SLC24A4: variants seen among roughly 807,000 people sequenced by gnomAD.
SLC24A4 encodes sodium/potassium/calcium exchanger 4.
A neutral mutation model predicts 79.0 loss-of-function variants in SLC24A4; 53 were observed. The observed-to-expected ratio is 0.67, with a 90% CI of 0.54 to 0.84. The LOEUF (loss-of-function observed/expected upper bound fraction) is 0.84. SLC24A4 is among the 40% of genes least tolerant of loss of function. The pLI, the probability that SLC24A4 is intolerant of heterozygous loss-of-function variation, is 0.00. For synonymous variants in SLC24A4, 323 were observed against 323.8 expected (o/e 1.00, Z 0.03); for missense variants, 731 against 822.0 (o/e 0.89, Z 1.35).
intron 2 of SLC24A4, among the ~76,000 whole-genome samples, chr14:92,349,406 C>T (rs999913832): frequency 3.9e-5 from 6 of 152,196 alleles, no homozygotes; most frequent in Admixed American, 6.5e-5. Context: ...GTGATCCGCC[C>T]GCCTTGGCCT....
At chr14:92,342,379 T>A (rs879538925) in intron 2 of SLC24A4, among the ~76,000 whole-genome samples, 5,672 of 140,382 alleles carry the variant, frequency 0.04, 128 homozygotes, top group Non-Finnish European at 0.056. Context: ...TTTATTTATT[T>A]ATTTATTTAT....
rs1303465076 is a variant in SLC24A4, at chr14:92,456,414, T to C, written c.1061T>C (p.Leu354Pro). Residue 354 changes from leucine (L) to proline (P), a missense_variant, in exon 12 of 17, where the codon CTG (leucine) becomes CCG (proline). Coordinates refer to ENST00000532405, the MANE Select transcript of SLC24A4 (RefSeq NM_153646.4). ...CTCCTGTCCACACAGCGGCAGAGAC[T>C]GATCAACTCGGCCAATGGTGTGAGC... is the stretch of plus-strand genomic sequence containing the variant. ...SRIIINERQR[L>P]INSANGVSSK... 1 of 1,614,234 alleles carries C rather than the reference T, an allele frequency of 6.2e-7. No individual in the cohort carries two copies. The highest frequency in any genetic ancestry group is 2.2e-5 in the East Asian group (1 of 44,888).
At chr14:92,350,461 T>TC (rs934186496) in intron 2 of SLC24A4, among the ~76,000 whole-genome samples, 104 of 152,260 alleles carry the variant, frequency 6.8e-4, no homozygotes, top group African/African-American at 2.4e-3. Flanking sequence ...AACAGGACCC[T>TC]CCCAAATTGT....
chr14:92,446,632 G>A (rs867658911), intron 8 of SLC24A4, among the ~76,000 whole-genome samples: 2 of 152,232 alleles, frequency 1.3e-5, no homozygotes, highest in Non-Finnish European at 2.9e-5. Context: ...TGAGATGGCA[G>A]TGGTTCCATG....
chr14:92,428,494 A>G (rs939744739), intron 2 of SLC24A4, among the ~76,000 whole-genome samples: 1 of 152,208 alleles, frequency 6.6e-6, no homozygotes, highest in Admixed American at 6.5e-5. Context: ...CTGTCACAAC[A>G]TATGAGGAAG....
chr14:92,415,965 G>A (rs933822725), intron 2 of SLC24A4, among the ~76,000 whole-genome samples: 3 of 152,034 alleles, frequency 2.0e-5, no homozygotes, highest in Admixed American at 2.0e-4. Context: ...TTATGCCTTT[G>A]CAACCTCATA....
intron 1 of SLC24A4, among the ~76,000 whole-genome samples, chr14:92,324,778 A>G (rs1156516604): frequency 1.3e-5 from 2 of 152,204 alleles, no homozygotes; most frequent in African/African-American, 4.8e-5. Flanking sequence ...TTAAATGTAA[A>G]AAGACAAAAG....
intron 13 of SLC24A4, chr14:92,484,050 C>T (rs1281424381): frequency 2.0e-6 from 2 of 985,376 alleles, no homozygotes; most frequent in East Asian, 1.1e-4. Flanking sequence ...TGGTGACTCC[C>T]TCTATGAAGT....
intron 2 of SLC24A4, among the ~76,000 whole-genome samples, chr14:92,417,623 G>C (rs1335744008): frequency 6.6e-6 from 1 of 152,212 alleles, no homozygotes; most frequent in Non-Finnish European, 1.5e-5. Context: ...GCACTCACTT[G>C]CTCACCCAGA....
chr14:92,457,971 T>C (rs2139854168), intron 12 of SLC24A4, among the ~76,000 whole-genome samples: 1 of 152,366 alleles, frequency 6.6e-6, no homozygotes, highest in South Asian at 2.1e-4. Flanking sequence ...TGCCCCCTGC[T>C]TTCATGCTTC....
intron 2 of SLC24A4, among the ~76,000 whole-genome samples, chr14:92,328,872 C>T (rs906768968): frequency 3.3e-5 from 5 of 152,254 alleles, no homozygotes; most frequent in Admixed American, 3.3e-4. Flanking sequence ...ACCACCAGAA[C>T]TCTACCTGGG....
intron 6 of SLC24A4, 77 bp from the exon 7 acceptor site, chr14:92,443,323 G>C (rs531603018): frequency 2.9e-6 from 4 of 1,396,272 alleles, no homozygotes; most frequent in African/African-American, 2.8e-5. Flanking sequence ...TGCACTGCGG[G>C]GGGAGGAGGC....
At chr14:92,355,261 G>A (rs572704451) in intron 2 of SLC24A4, among the ~76,000 whole-genome samples, 11 of 152,282 alleles carry the variant, frequency 7.2e-5, no homozygotes, top group South Asian at 4.1e-4. Flanking sequence ...GCCTGTAGAC[G>A]TGGGGACAAG....
intron 2 of SLC24A4, among the ~76,000 whole-genome samples, chr14:92,366,893 A>T (rs1473145272): frequency 1.3e-5 from 2 of 152,192 alleles, no homozygotes; most frequent in Non-Finnish European, 2.9e-5. Flanking sequence ...AGCTAGAGTG[A>T]CTTGCCCAAG....
chr14:92,366,228 G>A (rs1235708029), intron 2 of SLC24A4, among the ~76,000 whole-genome samples: 2 of 152,190 alleles, frequency 1.3e-5, no homozygotes, highest in African/African-American at 4.8e-5. Context: ...CGAACCAAAG[G>A]CCAAGCCTCT....
intron 12 of SLC24A4, among the ~76,000 whole-genome samples, chr14:92,471,987 C>G (rs1237405435): frequency 5.3e-5 from 8 of 152,214 alleles, no homozygotes; most frequent in Non-Finnish European, 1.2e-4. Flanking sequence ...TCTTGATGCT[C>G]TGGCATCTGA....
intron 4 of SLC24A4, 62 bp from the exon 5 acceptor site, chr14:92,442,027 G>A (rs540050945): frequency 4.6e-5 from 60 of 1,318,438 alleles, no homozygotes; most frequent in African/African-American, 1.3e-4. Context: ...GCTGTAGAGC[G>A]TCCAGTGATG....
At chr14:92,379,120 T>G (rs79178275) in intron 2 of SLC24A4, among the ~76,000 whole-genome samples, 1,645 of 152,280 alleles carry the variant, frequency 0.011, 35 homozygotes, top group African/African-American at 0.038. Flanking sequence ...TACCTTGGAA[T>G]GCGAGAGAGG....
chr14:92,366,508 A>G (rs1322697646), intron 2 of SLC24A4, among the ~76,000 whole-genome samples: 1 of 152,134 alleles, frequency 6.6e-6, no homozygotes, highest in Non-Finnish European at 1.5e-5. Context: ...AAGAGAAGAT[A>G]TTGATTGGTG....
Sources: gnomAD v4.1 joint callset for allele counts (sites outside exome capture counted in the v4.1 genomes callset) on GRCh38, gnomAD v4.1.1 for gene constraint, MANE v1.5 for transcripts, NCBI Gene and HGNC (gene_info 2026-07-23, HGNC 2026-07-21) for gene names.